The following FOXP1 variants were observed in gnomAD, a reference collection of about 807,000 sequenced individuals.
FOXP1 encodes the protein forkhead box protein P1.
FOXP1 carries 15 observed loss-of-function variants against 98.2 expected under a neutral mutation model. The ratio of observed to expected loss-of-function variants is 0.15; its 90% CI spans 0.10 to 0.24. FOXP1 has a LOEUF of 0.24. Among genes scored for constraint, FOXP1 ranks in the 10% least tolerant of loss-of-function variants. The pLI is 1.00. For missense variants in FOXP1, 633 were observed against 848.5 expected (o/e 0.75, Z 3.15); for synonymous variants, 371 against 314.5 (o/e 1.18, Z -1.90).
rs762947784 is a variant in FOXP1 at position 71,053,626 on chromosome 3, G to A, written c.420+10C>T. On this transcript the variant is annotated intron_variant, in intron 8 of 20. Transcript: ENST00000649528. The stretch of plus-strand genomic sequence containing the variant: ...GGGAGACAGGCTGGAGGTGGAGGAA[G>A]GACAATTACCTGTTGAAGCATGAGG... 2 of 1,614,004 alleles carry A rather than the reference G, an allele frequency of 1.2e-6. No homozygotes were observed. The highest frequency in any genetic ancestry group is 1.7e-5 in the Admixed American group (1 of 60,026).
chr3:71,443,260 T>C (rs1216656901), intron 3 of FOXP1, among the ~76,000 whole-genome samples: 1 of 152,266 alleles, frequency 6.6e-6, no homozygotes, highest in Non-Finnish European at 1.5e-5. Context: ...GATGTTTTGA[T>C]ACATGTATAT....
chr3:71,152,223 G>C (rs1361807922), intron 6 of FOXP1, among the ~76,000 whole-genome samples: 1 of 151,956 alleles, frequency 6.6e-6, no homozygotes, highest in Non-Finnish European at 1.5e-5. Flanking sequence ...CCATGAGCTT[G>C]CAGCCTCAGT....
intron 5 of FOXP1, among the ~76,000 whole-genome samples, chr3:71,280,305 C>T (rs943341186): frequency 1.4e-5 from 2 of 145,074 alleles, no homozygotes; most frequent in African/African-American, 2.6e-5. Context: ...CAAAATTATC[C>T]GGTATTTTAC....
chr3:71,318,023 A>G (rs1241947696), intron 4 of FOXP1, among the ~76,000 whole-genome samples: 1 of 151,770 alleles, frequency 6.6e-6, no homozygotes, highest in Non-Finnish European at 1.5e-5. Flanking sequence ...CTAACACTGA[A>G]TTAAAGGGGC....
At chr3:71,540,153 GA>G (rs1406494694) in intron 2 of FOXP1, among the ~76,000 whole-genome samples, 1 of 152,258 alleles carries the variant, frequency 6.6e-6, no homozygotes, top group Non-Finnish European at 1.5e-5. Flanking sequence ...TCTCAAGCAT[GA>G]CACAAGTTTG....
At chr3:71,536,730 T>TG (rs1372174455) in intron 2 of FOXP1, among the ~76,000 whole-genome samples, 1 of 152,118 alleles carries the variant, frequency 6.6e-6, no homozygotes, top group African/African-American at 2.4e-5. Flanking sequence ...AAGGACTCTG[T>TG]GGGAAAGGTT....
At chr3:71,327,849 C>T (rs536485106) in intron 4 of FOXP1, among the ~76,000 whole-genome samples, 5 of 152,242 alleles carry the variant, frequency 3.3e-5, no homozygotes, top group South Asian at 2.1e-4. Flanking sequence ...TATTATAACA[C>T]ATTCTTTCAA....
chr3:71,138,909 TA>T (rs796630958), intron 6 of FOXP1, among the ~76,000 whole-genome samples: 2,424 of 144,400 alleles, frequency 0.017, 58 homozygotes, highest in African/African-American at 0.051. Context: ...TGCAATAAGT[TA>T]AAAAAAAAAA....
Position 70,958,563 on chromosome 3 carries a change from T to C in FOXP1, c.*684A>G, listed in dbSNP as rs1237835679. On this transcript the variant is annotated 3_prime_UTR_variant, in exon 21 of 21. Transcript: ENST00000649528. ...ATTCATCACAAGGTACAGAAAACTT[T>C]AAGCCTCCAAGAGGCCATCGGCCCA... 1 of 248,874 alleles carries C rather than the reference T, an allele frequency of 4.0e-6. No homozygotes were observed. The highest frequency in any genetic ancestry group is 7.8e-6 in the Non-Finnish European group (1 of 128,972). The allele number at this position is 248,874 out of a possible 1,614,324, so 15.4% of individuals were successfully genotyped here. A position where few individuals can be genotyped will look rare whatever the true frequency, so the allele number is the denominator to read the frequency against.
chr3:71,129,504 C>T (rs1443121950), intron 6 of FOXP1, among the ~76,000 whole-genome samples: 3 of 152,096 alleles, frequency 2.0e-5, no homozygotes, highest in African/African-American at 4.8e-5. Context: ...GACTAGCAAA[C>T]GAGGTTCACA....
At chr3:71,527,532 A>G (rs2043488887) in intron 2 of FOXP1, among the ~76,000 whole-genome samples, 3 of 152,258 alleles carry the variant, frequency 2.0e-5, no homozygotes, top group Non-Finnish European at 4.4e-5. Context: ...GCTAAAAGCT[A>G]TAAACACAGC....
intron 4 of FOXP1, among the ~76,000 whole-genome samples, chr3:71,358,309 C>A (rs772071937): frequency 2.6e-5 from 4 of 152,200 alleles, no homozygotes; most frequent in Admixed American, 6.5e-5. Flanking sequence ...AAAGACATTT[C>A]AACAGCTAGT....
intron 3 of FOXP1, among the ~76,000 whole-genome samples, chr3:71,490,848 ACT>A (rs2091011210): frequency 8.6e-5 from 13 of 152,046 alleles, no homozygotes; most frequent in Admixed American, 8.5e-4. Flanking sequence ...ATTGAGTCAG[ACT>A]CTCTCAATAC....
intron 5 of FOXP1, among the ~76,000 whole-genome samples, chr3:71,211,495 C>T (rs756896155): frequency 6.6e-6 from 1 of 152,134 alleles, no homozygotes; most frequent in African/African-American, 2.4e-5. Flanking sequence ...TATAAGCCAC[C>T]ATGCCGGGCC....
intron 3 of FOXP1, among the ~76,000 whole-genome samples, chr3:71,445,561 C>T (rs895210844): frequency 1.2e-4 from 18 of 152,104 alleles, no homozygotes; most frequent in African/African-American, 3.4e-4. Context: ...GTTGAATTCC[C>T]TATAATTCAA....
At chr3:71,318,609 C>T (rs1030319868) in intron 4 of FOXP1, among the ~76,000 whole-genome samples, 1 of 151,882 alleles carries the variant, frequency 6.6e-6, no homozygotes, top group Admixed American at 6.5e-5. Flanking sequence ...CTTAGCACAT[C>T]TTCAGAAAAA....
chr3:71,353,591 G>A (rs1435719684), intron 4 of FOXP1, among the ~76,000 whole-genome samples: 1 of 151,948 alleles, frequency 6.6e-6, no homozygotes, highest in Non-Finnish European at 1.5e-5. Flanking sequence ...TTTTAATCAT[G>A]TCCTTTTATT....
At chr3:71,553,853 TTTGG>T (rs2045940471) in intron 2 of FOXP1, among the ~76,000 whole-genome samples, 1 of 152,332 alleles carries the variant, frequency 6.6e-6, no homozygotes, top group South Asian at 2.1e-4. Context: ...AACTTTGTAG[TTTGG>T]TTATCTACGT....
chr3:70,987,801 G>C (rs1023654802), intron 14 of FOXP1, among the ~76,000 whole-genome samples, 193 bp downstream of exon 14: 1 of 152,156 alleles, frequency 6.6e-6, no homozygotes, highest in East Asian at 1.9e-4. Context: ...GAATCATCCT[G>C]TATCTCCCCA....
Sources: gnomAD v4.1 joint callset for allele counts (sites outside exome capture counted in the v4.1 genomes callset) on GRCh38, gnomAD v4.1.1 for gene constraint, MANE v1.5 for transcripts, NCBI Gene and HGNC (gene_info 2026-07-23, HGNC 2026-07-21) for gene names.